MACF1: variants seen among roughly 807,000 people sequenced by gnomAD.
MACF1 encodes microtubule actin crosslinking factor 1, also known as microtubule-actin cross-linking factor 1.
A neutral mutation model predicts 854.8 loss-of-function variants in MACF1; 193 were observed. The observed-to-expected ratio is 0.23, with a 90% CI of 0.20 to 0.25. The LOEUF (loss-of-function observed/expected upper bound fraction) is 0.25. MACF1 is among the 10% of genes least tolerant of loss of function. MACF1 has a pLI of 1.00. For synonymous variants in MACF1, 3,185 were observed against 3,226.7 expected (o/e 0.99, Z 0.44); for missense variants, 7,722 against 8,929.1 (o/e 0.86, Z 5.45).
chr1:39,451,270 A>G, intron 85 of MACF1, 59 bp downstream of exon 85: 1 of 1,514,000 alleles, frequency 6.6e-7, no homozygotes, highest in Non-Finnish European at 8.9e-7. Flanking sequence ...ATGACTGCCT[A>G]GGGTCTTCTA....
intron 2 of MACF1, among the ~76,000 whole-genome samples, chr1:39,122,609 A>G (rs1249304832): frequency 1.3e-5 from 2 of 152,220 alleles, no homozygotes; most frequent in Non-Finnish European, 2.9e-5. Context: ...AATGTAGGGC[A>G]GGTAGAGCAG....
chr1:39,184,546 G>C (rs1323878752), intron 2 of MACF1, among the ~76,000 whole-genome samples: 3 of 152,148 alleles, frequency 2.0e-5, no homozygotes, highest in African/African-American at 7.2e-5. Flanking sequence ...TCTTCTTTGA[G>C]TAGAGGGCCC....
chr1:39,313,553 C>G (rs1394689016), intron 26 of MACF1, among the ~76,000 whole-genome samples: 1 of 152,006 alleles, frequency 6.6e-6, no homozygotes, highest in Non-Finnish European at 1.5e-5. Context: ...CTCCCTCCCT[C>G]CCTTTTTTTT....
chr1:39,247,063 G>A (rs1391000347), intron 2 of MACF1, among the ~76,000 whole-genome samples: 8 of 142,830 alleles, frequency 5.6e-5, no homozygotes, highest in African/African-American at 7.7e-5. Context: ...CACCATGCCC[G>A]GCTAATTTTT....
At chr1:39,451,255 T>C (rs1644336221) in intron 85 of MACF1, 44 bp downstream of exon 85, 1 of 1,576,448 alleles carries the variant, frequency 6.3e-7, no homozygotes, top group African/African-American at 1.4e-5. Flanking sequence ...GTGGGTCTTC[T>C]GTATATGACT....
Position 39,336,143 on chromosome 1 carries a change from A to C in MACF1, c.9555A>C (p.Lys3185Asn), listed in dbSNP as rs41270807. Residue 3185 changes from lysine to asparagine, a missense_variant, in exon 37 of 101, where the codon AAA becomes AAC. Transcript: ENST00000564288. Reference protein sequence around the residue: ...EVSFDPARGLKLEEITVSRPD... With the variant: ...EVSFDPARGLNLEEITVSRPD... ...CTTTTGACCCAGCAAGAGGTCTTAA[A>C]TTGGAAGAAATCACAGTTTCTAGAC... is the stretch of plus-strand genomic sequence containing the variant. 316,944 of 1,613,958 alleles carry C rather than the reference A, an allele frequency of 0.2. 33,047 individuals are homozygous for C. The highest frequency in any genetic ancestry group is 0.21 in the Non-Finnish European group (251,712 of 1,179,912).
rs372772844 is a variant in MACF1 at position 39,340,841 on chromosome 1, G to A, written c.10469G>A (p.Arg3490Gln). 6.8e-6 allele frequency: 11 copies of A among 1,613,582 alleles called. No homozygotes were observed. In the Admixed American group the frequency reaches 8.3e-5, roughly 12 times the overall value. ...AATCAGCACACACAGCTAGAAGGCC[G>A]ACTTCAAGATCTGAGAGCCTGGGTT... Reference protein sequence around the residue: ...VLNQHTQLEGRLQDLRAWVGN... With the variant: ...VLNQHTQLEGQLQDLRAWVGN... Residue 3490 changes from arginine to glutamine, a missense_variant, in exon 40 of 101, where the codon CGA becomes CAA. This residue lies in a region of MACF1 where 854 missense variants were observed against 852.6 expected (regional missense o/e 1.00). Transcript: ENST00000564288.
chr1:39,407,525 C>G (rs74066780), intron 58 of MACF1, among the ~76,000 whole-genome samples: 4,805 of 152,288 alleles, frequency 0.032, 261 homozygotes, highest in African/African-American at 0.11. Flanking sequence ...TTTCAGTTTA[C>G]AGATGGGCAG....
chr1:39,286,268 C>A (rs1645639105), intron 14 of MACF1, among the ~76,000 whole-genome samples: 1 of 152,070 alleles, frequency 6.6e-6, no homozygotes, highest in African/African-American at 2.4e-5. Flanking sequence ...CCTGCCTCAG[C>A]CTCCCAAAGT....
intron 2 of MACF1, among the ~76,000 whole-genome samples, chr1:39,129,648 T>C (rs538125100): frequency 6.6e-6 from 1 of 152,322 alleles, no homozygotes; most frequent in Admixed American, 6.5e-5. Context: ...ACCTTAAGGG[T>C]GGCCAGGACC....
rs757665233 is a variant in MACF1 at position 39,465,001 on chromosome 1, T to C, written c.21754-94T>C. 477 of 1,086,892 alleles carry C rather than the reference T, an allele frequency of 4.4e-4. 2 individuals are homozygous for C. In the Middle Eastern group the frequency reaches 6.5e-3, roughly 15 times the overall value. 67.3% of individuals were successfully genotyped at this position (1,086,892 alleles called of 1,614,324 possible). On this transcript the variant is annotated intron_variant, in intron 94 of 100. Coordinates refer to ENST00000564288, the MANE Select transcript of MACF1 (RefSeq NM_001394062.1). ...GTGTCACTTTGCCAGAAAAATGTAA[T>C]GATATGATTTTCATTCTTTAGTGTT...
chr1:39,138,014 C>T (rs112168555), intron 2 of MACF1, among the ~76,000 whole-genome samples: 1 of 136,694 alleles, frequency 7.3e-6, no homozygotes, highest in South Asian at 2.2e-4. Flanking sequence ...GCGGAGGTTG[C>T]AGTTAGCCGA....
chr1:39,292,094 G>A, intron 16 of MACF1, 56 bp downstream of exon 16: 3 of 1,598,632 alleles, frequency 1.9e-6, no homozygotes, highest in Non-Finnish European at 2.6e-6. Flanking sequence ...ACGGATGAAA[G>A]GACAGTACAC....
intron 40 of MACF1, among the ~76,000 whole-genome samples, chr1:39,343,920 A>G (rs1569596048): frequency 6.6e-6 from 1 of 151,882 alleles, no homozygotes; most frequent in Non-Finnish European, 1.5e-5. Context: ...GTTTGAGACC[A>G]GCCTGACCAA....
chr1:39,110,057 G>A (rs1038911471), intron 2 of MACF1, among the ~76,000 whole-genome samples: 1 of 151,696 alleles, frequency 6.6e-6, no homozygotes, highest in African/African-American at 2.4e-5. Context: ...AAAAATACAA[G>A]AAATAAATAC....
rs1199590065 is a variant in MACF1 at position 39,324,685 on chromosome 1, T to C, written c.4429T>C (p.Ser1477Pro). ...GCTGACAACAAAGAAAGAACAAGTC[T>C]CTGAAGCTATTAAAACATCACAGAT... ...EELTTKKEQV[S>P]EAIKTSQIFL... is the part of the protein sequence containing the mutation. The change falls in exon 35 of 101, where the codon TCT (serine) becomes CCT (proline). Residue 1477 changes from serine (S) to proline (P), a missense_variant. This residue lies in a region of MACF1 where 1,531 missense variants were observed against 1,601.6 expected (regional missense o/e 0.96). Transcript: ENST00000564288. 6.2e-7 allele frequency: 1 copy of C among 1,613,702 alleles called. No homozygotes were observed. The highest frequency in any genetic ancestry group is 8.5e-7 in the Non-Finnish European group (1 of 1,179,822).
intron 2 of MACF1, among the ~76,000 whole-genome samples, chr1:39,121,572 C>T (rs1642713345): frequency 6.6e-6 from 1 of 152,138 alleles, no homozygotes; most frequent in Non-Finnish European, 1.5e-5. Flanking sequence ...CCTCAGCCTG[C>T]TGAGTAGCTG....
At chr1:39,413,192 C>T in intron 58 of MACF1, 1 of 1,613,558 alleles carries the variant, frequency 6.2e-7, no homozygotes, top group Non-Finnish European at 8.5e-7. Context: ...GGGCCTGTCA[C>T]CCCAGCTACC....
intron 2 of MACF1, among the ~76,000 whole-genome samples, chr1:39,237,002 A>G (rs984197767): frequency 2.0e-5 from 3 of 152,126 alleles, no homozygotes; most frequent in African/African-American, 7.2e-5. Context: ...TTGCCTCTAG[A>G]GTTTGATGTC....
Sources: allele counts gnomAD v4.1 joint callset (sites outside exome capture counted in the v4.1 genomes callset), GRCh38; gene constraint gnomAD v4.1.1; regional missense constraint gnomAD v4.1.1; transcripts MANE v1.5; gene names NCBI Gene and HGNC (gene_info 2026-07-23, HGNC 2026-07-21).